Variants in ANKH observed in about 807,000 individuals in gnomAD.
ANKH encodes the protein mineralization regulator ANKH.
ANKH carries 15 observed loss-of-function variants against 49.0 expected under a neutral mutation model. The ratio of observed to expected loss-of-function variants is 0.31; its 90% CI spans 0.20 to 0.47. The LOEUF (loss-of-function observed/expected upper bound fraction) is 0.47. Ranked by LOEUF, ANKH falls within the 20% of genes least tolerant of loss-of-function variation. The pLI is 1.00. For synonymous variants in ANKH, 273 were observed against 260.0 expected (o/e 1.05, Z -0.48); for missense variants, 429 against 652.0 (o/e 0.66, Z 3.72).
chr5:14,814,296 G>T (rs1740969244), intron 1 of ANKH, among the ~76,000 whole-genome samples: 1 of 152,168 alleles, frequency 6.6e-6, no homozygotes, highest in Non-Finnish European at 1.5e-5. Flanking sequence ...CTAGCGAATA[G>T]CAGGTATTTA....
In ANKH at chr5:14,745,986, G is replaced by A; in HGVS notation, c.823-24C>T. ...GCCTGCAACAGGAAGAGGTGGCAGA[G>A]TTAGCAGGGTACCAGCAGGAAGTCC... On this transcript the variant is annotated intron_variant, in intron 6 of 11. Transcript: ENST00000284268. The surrounding 1 kb of genome is among the most constrained non-coding windows in gnomAD (Gnocchi z 4.7). The A allele has an allele frequency of 1.3e-6, 2 of 1,599,122 alleles. No individual in the cohort carries two copies. Among genetic ancestry groups the A allele is most frequent in the Non-Finnish European group, 1.7e-6 (2 of 1,166,836 alleles).
Position 14,713,545 on chromosome 5 carries a change from C to T in ANKH, c.1264G>A (p.Gly422Arg). Residue 422 changes from glycine (G) to arginine (R), a missense_variant and splice_region_variant, in exon 10 of 12, where the codon GGG becomes AGG. By Grantham distance (125) the Gly-to-Arg change is moderately radical. Transcript: ENST00000284268. This position sits in a 1 kb window ranked among gnomAD's most constrained non-coding sequence, Gnocchi z 4.4. ...GCCCCAAACTCCCTGACAACATACC[C>T]CAGGTAGGGTAGGACCACGAGGCTG... The part of the protein sequence containing the change: ...IASLVVLPYL[G>R]VHGATLGVGS... 6.2e-7 allele frequency: 1 copy of T among 1,614,158 alleles called. No individual in the cohort carries two copies. The highest frequency in any genetic ancestry group is 8.5e-7 in the Non-Finnish European group (1 of 1,180,004).
Position 14,751,101 on chromosome 5 carries a change from TGTC to T in ANKH, c.652_654del (p.Asp218del). 1 of 1,614,240 alleles carries T rather than the reference TGTC, an allele frequency of 6.2e-7. No individual in the cohort carries two copies. Among genetic ancestry groups the T allele is most frequent in the African/African-American group, 1.3e-5 (1 of 75,074 alleles). On this transcript the variant is annotated inframe_deletion, in exon 5 of 12. Transcript: ENST00000284268. ...TCCGGGCCACTTCTGTCAGGGATGA[TGTC>T]GTGAATGTTCTTGTAGTAGCCCAGG... is the stretch of plus-strand genomic sequence containing the variant.
At chr5:14,783,329 C>T (rs1042633944) in intron 1 of ANKH, among the ~76,000 whole-genome samples, 5 of 144,856 alleles carry the variant, frequency 3.5e-5, no homozygotes, top group Non-Finnish European at 7.6e-5. Context: ...CACACACACA[C>T]ACCACACATG....
Position 14,738,813 on chromosome 5 carries a change from G to A in ANKH, c.1011+3014C>T, listed in dbSNP as rs558756647. Among the ~76,000 whole-genome samples the A allele has an allele frequency of 1.7e-4, 26 of 152,060 alleles. No individual in the cohort carries two copies. In the South Asian group the frequency reaches 5.2e-3, roughly 30 times the overall value. Reference sequence around the variant, plus strand: ...CTAGAAAATCAAGAGCCTTTTAAAAGCTTTTACGATAATACAGACTGAGCA... The same window carrying A: ...CTAGAAAATCAAGAGCCTTTTAAAAACTTTTACGATAATACAGACTGAGCA... On this transcript the variant is annotated intron_variant, in intron 8 of 11. Transcript: ENST00000284268.
intron 8 of ANKH, among the ~76,000 whole-genome samples, chr5:14,740,688 T>C (rs1738326186): frequency 2.0e-5 from 3 of 152,192 alleles, no homozygotes. Context: ...AGCTGCAGGC[T>C]TTCAAAATGT....
At position 14,723,995 on chromosome 5, in the gene ANKH, C is replaced by T. The variant is rs563561739; in HGVS notation, c.1012-7160G>A. On this transcript the variant is annotated intron_variant, in intron 8 of 11. Transcript: ENST00000284268. ...CCAGGGATGATTTGGTTGAGCCTAA[C>T]GTTGATGATGACTCAGATCAATGAG... 7.9e-5 allele frequency among the ~76,000 whole-genome samples: 12 copies of T among 152,246 alleles called. No individual in the cohort carries two copies. The East Asian group carries it at 2.1e-3, about 27-fold the overall frequency.
At chr5:14,714,999 A>G (rs1737390750) in intron 9 of ANKH, among the ~76,000 whole-genome samples, 1 of 152,226 alleles carries the variant, frequency 6.6e-6, no homozygotes, top group Non-Finnish European at 1.5e-5. Context: ...CAACAAGTAC[A>G]GATGCCATCC....
At chr5:14,832,525 G>C (rs1325511103) in intron 1 of ANKH, among the ~76,000 whole-genome samples, 1 of 152,214 alleles carries the variant, frequency 6.6e-6, no homozygotes, top group Non-Finnish European at 1.5e-5. Flanking sequence ...CATTCAGTAA[G>C]TAACGGAGTT....
intron 1 of ANKH, among the ~76,000 whole-genome samples, chr5:14,830,648 A>C (rs1741479839): frequency 6.6e-6 from 1 of 152,092 alleles, no homozygotes; most frequent in African/African-American, 2.4e-5. Context: ...AGCAAGTCCG[A>C]CTAAGATAGC....
At chr5:14,802,414 C>T (rs1373067853) in intron 1 of ANKH, among the ~76,000 whole-genome samples, 2 of 152,134 alleles carry the variant, frequency 1.3e-5, no homozygotes, top group Non-Finnish European at 2.9e-5. Context: ...ACCAGTATTA[C>T]TTCTCATGGA....
chr5:14,783,995 G>C (rs1189500112), intron 1 of ANKH, among the ~76,000 whole-genome samples: 1 of 152,246 alleles, frequency 6.6e-6, no homozygotes, highest in Non-Finnish European at 1.5e-5. Context: ...CCAGTGAAAG[G>C]AGGCAGCTTT....
chr5:14,717,225 G>A, intron 8 of ANKH: 1 of 272,590 alleles, frequency 3.7e-6, no homozygotes, highest in Non-Finnish European at 7.3e-6. Flanking sequence ...GCTTTAACAA[G>A]CAATAAAAAA....
chr5:14,742,734 C>G (rs578160850), intron 7 of ANKH, among the ~76,000 whole-genome samples: 1 of 152,184 alleles, frequency 6.6e-6, no homozygotes, highest in Non-Finnish European at 1.5e-5. Context: ...ACAACATCTG[C>G]GTAGAAAAGA....
intron 2 of ANKH, chr5:14,768,249 A>G (rs1739315108): frequency 6.5e-6 from 1 of 152,718 alleles, no homozygotes; most frequent in East Asian, 1.9e-4. Context: ...GGGTTTATGA[A>G]GTGTCATTCA....
chr5:14,852,773 G>GA (rs1742152651), intron 1 of ANKH, among the ~76,000 whole-genome samples: 1 of 152,168 alleles, frequency 6.6e-6, no homozygotes, highest in Non-Finnish European at 1.5e-5. Context: ...GCAACTGGAA[G>GA]AATGCACAGT....
chr5:14,819,166 C>T (rs1334242594), intron 1 of ANKH, among the ~76,000 whole-genome samples: 2 of 152,218 alleles, frequency 1.3e-5, no homozygotes, highest in Non-Finnish European at 2.9e-5. Context: ...TGGAAAGTAA[C>T]TCTCTGGGGA....
intron 1 of ANKH, among the ~76,000 whole-genome samples, chr5:14,802,690 C>T (rs1740599625): frequency 6.6e-6 from 1 of 152,070 alleles, no homozygotes; most frequent in Non-Finnish European, 1.5e-5. Flanking sequence ...TCTTCCCTCC[C>T]CCTCAGCCAT....
At chr5:14,862,243 A>C (rs1735516433) in intron 1 of ANKH, among the ~76,000 whole-genome samples, 1 of 152,220 alleles carries the variant, frequency 6.6e-6, no homozygotes, top group Non-Finnish European at 1.5e-5. Flanking sequence ...TCAAACAAAC[A>C]AACAAAAAAA....
Sources: gnomAD v4.1 joint callset for allele counts (sites outside exome capture counted in the v4.1 genomes callset) on GRCh38, gnomAD v4.1.1 for gene constraint, Gnocchi (gnomAD v3.1) non-coding constraint, MANE v1.5 for transcripts, NCBI Gene and HGNC (gene_info 2026-07-23, HGNC 2026-07-21) for gene names.